Variants in FHOD3 observed in about 807,000 individuals in gnomAD.
FHOD3 encodes FH1/FH2 domain-containing protein 3.
Under a neutral mutation model 173.0 loss-of-function variants are expected in FHOD3, and 90 were observed. The ratio of observed to expected loss-of-function variants is 0.52; its 90% CI spans 0.44 to 0.62. The LOEUF is 0.62. FHOD3 is among the 20% of genes least tolerant of loss of function. The probability of loss-of-function intolerance (pLI) is 0.00; values close to 1 mark genes in which losing one functional copy is unlikely to be tolerated. For synonymous variants in FHOD3, 828 were observed against 823.0 expected, an observed-to-expected ratio of 1.01 and a Z score of -0.10; for missense variants, 1,945 against 2,034.7, an observed-to-expected ratio of 0.96 and a Z score of 0.85.
intron 24 of FHOD3, among the ~76,000 whole-genome samples, chr18:36,752,239 T>C (rs1304992218): frequency 2.0e-5 from 3 of 152,020 alleles, no homozygotes; most frequent in Non-Finnish European, 4.4e-5. Context: ...TAAGATGAGA[T>C]TTGGGTGGAG....
At chr18:36,707,995 G>A (rs1035890772) in intron 17 of FHOD3, among the ~76,000 whole-genome samples, 76 of 152,204 alleles carry the variant, frequency 5.0e-4, no homozygotes, top group African/African-American at 1.8e-3. Context: ...TGTGGCAGTT[G>A]GCTCAGAATT....
chr18:36,311,445 G>A (rs1194560525), intron 1 of FHOD3, among the ~76,000 whole-genome samples: 1 of 152,184 alleles, frequency 6.6e-6, no homozygotes, highest in East Asian at 1.9e-4. Flanking sequence ...TGGGCTCCAT[G>A]TCAGACAGAC....
intron 28 of FHOD3, among the ~76,000 whole-genome samples, chr18:36,769,953 C>A (rs1600649022): frequency 6.6e-6 from 1 of 152,228 alleles, no homozygotes; most frequent in Non-Finnish European, 1.5e-5. Flanking sequence ...CTAGGTTGAC[C>A]ATTTTTTCCT....
chr18:36,301,636 T>A (rs548969100), intron 1 of FHOD3, among the ~76,000 whole-genome samples: 28 of 152,340 alleles, frequency 1.8e-4, no homozygotes, highest in African/African-American at 6.5e-4. Flanking sequence ...CTTAATATTT[T>A]AAAAGAAAAA....
intron 5 of FHOD3, among the ~76,000 whole-genome samples, chr18:36,547,155 G>GACGAAGGACATATGAGAGTGTGGGT (rs2147236340): frequency 6.6e-6 from 1 of 152,274 alleles, no homozygotes; most frequent in East Asian, 1.9e-4. Flanking sequence ...TCCTTGTGGG[G>GACGAAGGACATATGAGAGTGTGGGT]ACGAAGGACA....
intron 1 of FHOD3, among the ~76,000 whole-genome samples, chr18:36,298,863 T>C (rs1238662368): frequency 6.6e-6 from 1 of 152,092 alleles, no homozygotes; most frequent in Non-Finnish European, 1.5e-5. Flanking sequence ...TGAAAGCTAA[T>C]CATTTCGTTA....
At chr18:36,604,693 G>C (rs1451231959) in intron 8 of FHOD3, among the ~76,000 whole-genome samples, 1 of 152,202 alleles carries the variant, frequency 6.6e-6, no homozygotes, top group Admixed American at 6.5e-5. Flanking sequence ...TAATTAGTCT[G>C]TGGTTGGTAA....
chr18:36,678,549 GAAGAAAGAAAGA>G (rs374492675), intron 14 of FHOD3, among the ~76,000 whole-genome samples: 1 of 111,760 alleles, frequency 8.9e-6, no homozygotes, highest in Non-Finnish European at 1.8e-5. Flanking sequence ...AAAAAAAAAA[GAAGAAAGAAAGA>G]AAGAAAGAAA....
rs1568434028 is a variant in FHOD3, at chr18:36,565,441, C to T, written c.512-11010C>T. ...TGTGTTCTAATTGAAGAAAGCAGTG[C>T]CTATCTTGGTGCTTAGTGATGGGCT... is the stretch of plus-strand genomic sequence containing the variant. On this transcript the variant is annotated intron_variant, in intron 5 of 28. Coordinates refer to ENST00000590592, the MANE Select transcript of FHOD3 (RefSeq NM_001281740.3). Among the ~76,000 whole-genome samples the T allele has an allele frequency of 2.0e-5, 3 of 152,160 alleles. 1 individual carries two copies. Among genetic ancestry groups the T allele is most frequent in the Non-Finnish European group, 2.9e-5 (2 of 68,036 alleles).
chr18:36,509,485 G>A (rs1010803690), intron 4 of FHOD3, among the ~76,000 whole-genome samples: 2 of 150,760 alleles, frequency 1.3e-5, no homozygotes, highest in Admixed American at 1.3e-4. Context: ...TTGGAAATTT[G>A]GTCACTGACC....
intron 17 of FHOD3, among the ~76,000 whole-genome samples, chr18:36,697,904 G>A (rs1011242408): frequency 2.0e-5 from 3 of 152,096 alleles, no homozygotes; most frequent in Non-Finnish European, 2.9e-5. Flanking sequence ...TGTCATCTTC[G>A]TTGTGGAAGA....
intron 17 of FHOD3, among the ~76,000 whole-genome samples, chr18:36,705,994 C>T (rs192445611): frequency 7.9e-4 from 109 of 138,046 alleles, no homozygotes; most frequent in African/African-American, 2.6e-3. Context: ...TGTGTGTGCA[C>T]GGAGAGAAGT....
At chr18:36,359,558 GT>G (rs1210075851) in intron 2 of FHOD3, among the ~76,000 whole-genome samples, 5 of 152,176 alleles carry the variant, frequency 3.3e-5, no homozygotes, top group Non-Finnish European at 1.5e-5. Context: ...TCTGATAGGA[GT>G]TCATAAAATG....
chr18:36,643,900 T>G (rs1193301136), intron 10 of FHOD3, among the ~76,000 whole-genome samples: 1 of 152,228 alleles, frequency 6.6e-6, no homozygotes, highest in East Asian at 1.9e-4. Flanking sequence ...AGAACATACT[T>G]TAACATTATT....
intron 5 of FHOD3, among the ~76,000 whole-genome samples, chr18:36,537,686 C>T (rs2057052015): frequency 6.6e-6 from 1 of 152,138 alleles, no homozygotes; most frequent in African/African-American, 2.4e-5. Context: ...AACAACAGAG[C>T]TGCAAAATAC....
chr18:36,582,690 T>A (rs967826527), intron 6 of FHOD3, among the ~76,000 whole-genome samples: 2 of 152,220 alleles, frequency 1.3e-5, no homozygotes, highest in African/African-American at 4.8e-5. Flanking sequence ...TTTCAGCTCC[T>A]CATCATACTG....
chr18:36,647,892 G>C lies in FHOD3; in HGVS notation c.1197-1424G>C, dbSNP rs552842447. Among the ~76,000 whole-genome samples, 548 of 152,302 alleles carry C rather than the reference G, an allele frequency of 3.6e-3. 4 individuals are homozygous for C. The highest frequency in any genetic ancestry group is 0.016 in the South Asian group (75 of 4,816). ...ACTATTTGATGTGGGGTGGGAGAGGGAAGCAATTGGAAAGGAGCATTAAGG... is the reference window on the plus strand; with the variant it reads ...ACTATTTGATGTGGGGTGGGAGAGGCAAGCAATTGGAAAGGAGCATTAAGG... On this transcript the variant is annotated intron_variant, in intron 10 of 28. Coordinates refer to ENST00000590592, the MANE Select transcript of FHOD3 (RefSeq NM_001281740.3).
At chr18:36,403,501 T>C (rs2048920386) in intron 3 of FHOD3, among the ~76,000 whole-genome samples, 2 of 152,160 alleles carry the variant, frequency 1.3e-5, no homozygotes, top group South Asian at 4.1e-4. Flanking sequence ...ACTTGACCCA[T>C]ACATGCTCTC....
intron 1 of FHOD3, among the ~76,000 whole-genome samples, chr18:36,317,494 CAT>C (rs535764196): frequency 1.7e-3 from 255 of 152,328 alleles, no homozygotes; most frequent in African/African-American, 5.9e-3. Flanking sequence ...AGCATTTTTT[CAT>C]ATGTCTGTTG....
Sources: allele counts gnomAD v4.1 joint callset (sites outside exome capture counted in the v4.1 genomes callset), GRCh38; gene constraint gnomAD v4.1.1; transcripts MANE v1.5; gene names NCBI Gene and HGNC (gene_info 2026-07-23, HGNC 2026-07-21).